The following HIGD1C variants were observed in gnomAD, a reference collection of about 807,000 sequenced individuals.
The protein encoded by HIGD1C is HIG1 domain family member 1C.
Under a neutral mutation model 13.1 loss-of-function variants are expected in HIGD1C, and 11 were observed. The observed-to-expected ratio is 0.84, with a 90% CI of 0.53 to 1.39. The LOEUF is 1.39. Among genes scored for constraint, HIGD1C ranks in the 40% most tolerant of loss-of-function variants. HIGD1C has a pLI of 0.00. For missense variants in HIGD1C, 110 were observed against 112.0 expected (o/e 0.98, Z 0.08); for synonymous variants, 36 against 37.7 (o/e 0.95, Z 0.17).
intron 1 of HIGD1C, among the ~76,000 whole-genome samples, chr12:50,957,683 G>A (rs1939151336): frequency 1.3e-5 from 2 of 151,720 alleles, no homozygotes; most frequent in Admixed American, 6.6e-5. Flanking sequence ...TAAGGAGTTC[G>A]AGACCAGCCT....
the HIGD1C span, among the ~76,000 whole-genome samples, chr12:50,938,886 C>T: frequency 6.6e-6 from 1 of 152,144 alleles, no homozygotes; most frequent in Non-Finnish European, 1.5e-5. Flanking sequence ...AAAAACACTC[C>T]TTTTGCAACT....
the HIGD1C span, among the ~76,000 whole-genome samples, chr12:50,945,311 A>T: frequency 6.6e-6 from 1 of 152,224 alleles, no homozygotes; most frequent in African/African-American, 2.4e-5. Context: ...TTTGCAAATG[A>T]CATGATTGGA....
intron 1 of HIGD1C, 50 bp from the exon 4 acceptor site, chr12:50,960,918 G>A (rs778506319): frequency 1.1e-4 from 159 of 1,425,090 alleles, no homozygotes; most frequent in Middle Eastern, 5.4e-4. Context: ...GGTCTCACAC[G>A]ATGCTCCTGC....
the HIGD1C span, among the ~76,000 whole-genome samples, chr12:50,937,603 T>C: frequency 6.6e-6 from 1 of 152,250 alleles, no homozygotes; most frequent in South Asian, 2.1e-4. Flanking sequence ...AGTCCCACCA[T>C]TCGGCGGGTC....
chr12:50,956,483 G>A (rs896352910), intron 1 of HIGD1C, among the ~76,000 whole-genome samples: 1 of 152,314 alleles, frequency 6.6e-6, no homozygotes, highest in East Asian at 1.9e-4. Flanking sequence ...CTACAGGATG[G>A]AGGGTCCTAT....
the HIGD1C span, among the ~76,000 whole-genome samples, chr12:50,933,054 T>C: frequency 6.6e-6 from 1 of 152,238 alleles, no homozygotes; most frequent in Non-Finnish European, 1.5e-5. Context: ...AGGCACAGTC[T>C]TGTCAATTCC....
upstream of HIGD1C, among the ~76,000 whole-genome samples, chr12:50,951,922 C>CA (rs202149759): frequency 0.15 from 13,091 of 86,924 alleles, 1,282 homozygotes; most frequent in African/African-American, 0.32. Context: ...AACTCCATCT[C>CA]AAAAAAAAAA....
At chr12:50,948,931 G>GGGAGGA (rs144151583), upstream of HIGD1C, among the ~76,000 whole-genome samples, 4 of 17,512 alleles carry the variant, frequency 2.3e-4, no homozygotes, top group African/African-American at 3.8e-4. Context: ...GGAGGGGGAG[G>GGGAGGA]GGAGGAGGAG....
the HIGD1C span, among the ~76,000 whole-genome samples, chr12:50,934,690 A>G: frequency 2.0e-5 from 3 of 152,244 alleles, no homozygotes; most frequent in African/African-American, 7.2e-5. Context: ...CAAAGAATGA[A>G]AAAAGAATAT....
At chr12:50,970,872 T>C (rs1939736101), downstream of HIGD1C, among the ~76,000 whole-genome samples, 1 of 105,884 alleles carries the variant, frequency 9.4e-6, no homozygotes, top group South Asian at 4.1e-4. Context: ...TTCTCTTTTC[T>C]TTATTTTATT....
At chr12:50,951,215 A>G (rs951643646), upstream of HIGD1C, among the ~76,000 whole-genome samples, 3 of 152,330 alleles carry the variant, frequency 2.0e-5, no homozygotes, top group Non-Finnish European at 2.9e-5. Context: ...GTTAATCCAC[A>G]TGATGAAAGC....
At chr12:50,967,888 A>G (rs935903223) in intron 2 of HIGD1C, among the ~76,000 whole-genome samples, 6 of 152,030 alleles carry the variant, frequency 3.9e-5, no homozygotes, top group Admixed American at 6.6e-5. Context: ...GGAGTTTGAG[A>G]CCATTCTGGG....
the HIGD1C span, among the ~76,000 whole-genome samples, chr12:50,941,126 A>G: frequency 1.3e-5 from 2 of 152,206 alleles, no homozygotes; most frequent in South Asian, 2.1e-4. Flanking sequence ...TGGGCTTCCC[A>G]AAGTGCTGAG....
At chr12:50,951,637 G>A (rs1001051993), upstream of HIGD1C, among the ~76,000 whole-genome samples, 2 of 152,046 alleles carry the variant, frequency 1.3e-5, no homozygotes, top group African/African-American at 2.4e-5. Context: ...CATCAAGGTC[G>A]GCTGGGCGCG....
downstream of HIGD1C, among the ~76,000 whole-genome samples, chr12:50,970,702 G>A (rs113341944): frequency 8.5e-5 from 13 of 152,180 alleles, no homozygotes; most frequent in African/African-American, 2.6e-4. Flanking sequence ...GAAATATCCC[G>A]TGTTAATGTC....
the HIGD1C span, among the ~76,000 whole-genome samples, chr12:50,938,605 A>G: frequency 6.6e-6 from 1 of 152,066 alleles, no homozygotes. Flanking sequence ...TGCCTCCCCT[A>G]CTGTAGCTGG....
intron 2 of HIGD1C, among the ~76,000 whole-genome samples, chr12:50,962,713 A>T (rs982696044): frequency 5.3e-5 from 8 of 152,062 alleles, no homozygotes; most frequent in African/African-American, 1.7e-4. Flanking sequence ...AGAAAAAAAA[A>T]TTTTTTTGCT....
At chr12:50,943,444 C>T in the HIGD1C span, among the ~76,000 whole-genome samples, 3 of 152,182 alleles carry the variant, frequency 2.0e-5, no homozygotes, top group African/African-American at 7.2e-5. Context: ...GGTGTGGTGG[C>T]TCACACCTGT....
intron 2 of HIGD1C, among the ~76,000 whole-genome samples, 188 bp from the exon 5 acceptor site, chr12:50,970,254 C>G (rs1365504786): frequency 2.0e-5 from 3 of 152,024 alleles, no homozygotes; most frequent in South Asian, 2.1e-4. Context: ...GAAAGGGCTC[C>G]TAGAGTTTTG....
Sources: gnomAD v4.1 joint callset for allele counts (sites outside exome capture counted in the v4.1 genomes callset) on GRCh38, gnomAD v4.1.1 for gene constraint, MANE v1.5 for transcripts, NCBI Gene and HGNC (gene_info 2026-07-23, HGNC 2026-07-21) for gene names.